The following AGBL4 variants were observed in gnomAD, a reference collection of about 807,000 sequenced individuals.
The protein encoded by AGBL4 is AGBL carboxypeptidase 4.
A neutral mutation model predicts 66.4 loss-of-function variants in AGBL4; 58 were observed. The observed-to-expected ratio is 0.87, with a 90% CI of 0.71 to 1.09. The LOEUF (loss-of-function observed/expected upper bound fraction) is 1.09. Among genes scored for constraint, AGBL4 ranks in the 50% least tolerant of loss-of-function variants. The pLI, the probability that AGBL4 is intolerant of heterozygous loss-of-function variation, is 0.00. For missense variants in AGBL4, 579 were observed against 631.0 expected, an observed-to-expected ratio of 0.92 and a Z score of 0.88; for synonymous variants, 234 against 222.9, an observed-to-expected ratio of 1.05 and a Z score of -0.44.
chr1:48,802,133 G>A (rs1327674996), intron 6 of AGBL4, among the ~76,000 whole-genome samples: 1 of 152,128 alleles, frequency 6.6e-6, no homozygotes, highest in East Asian at 1.9e-4. Flanking sequence ...TCGTCTCCCT[G>A]CTTCCTCTCT....
intron 3 of AGBL4, among the ~76,000 whole-genome samples, chr1:49,670,157 A>G (rs958660610): frequency 2.0e-5 from 3 of 152,150 alleles, no homozygotes; most frequent in Admixed American, 6.6e-5. Context: ...AGAAGCACCT[A>G]TTCTTTAAAA....
At chr1:49,488,618 C>T (rs1647119645) in intron 3 of AGBL4, among the ~76,000 whole-genome samples, 1 of 151,746 alleles carries the variant, frequency 6.6e-6, no homozygotes. Context: ...TCCTGTAGTG[C>T]TATCAAATAC....
intron 2 of AGBL4, among the ~76,000 whole-genome samples, chr1:49,842,638 G>C (rs757179445): frequency 2.0e-5 from 3 of 151,880 alleles, no homozygotes; most frequent in African/African-American, 7.3e-5. Flanking sequence ...ACAATAAATC[G>C]GTAAAATAAT....
intron 3 of AGBL4, among the ~76,000 whole-genome samples, chr1:49,470,235 A>G (rs967073838): frequency 1.7e-4 from 26 of 151,962 alleles, no homozygotes; most frequent in Non-Finnish European, 2.9e-5. Flanking sequence ...TTAAAACAAT[A>G]TCTATATCAA....
At chr1:48,625,586 T>C (rs550384690) in intron 9 of AGBL4, among the ~76,000 whole-genome samples, 2 of 152,270 alleles carry the variant, frequency 1.3e-5, no homozygotes, top group African/African-American at 4.8e-5. Flanking sequence ...GCATAGTATC[T>C]AATCCTAACA....
chr1:48,619,955 C>A (rs956055414), intron 9 of AGBL4, among the ~76,000 whole-genome samples: 9 of 152,156 alleles, frequency 5.9e-5, no homozygotes, highest in African/African-American at 1.7e-4. Context: ...CTAGAAGCAT[C>A]CTGGCTGTCG....
chr1:49,546,990 C>G (rs981181174), intron 3 of AGBL4, among the ~76,000 whole-genome samples: 1 of 152,184 alleles, frequency 6.6e-6, no homozygotes, highest in Admixed American at 6.5e-5. Flanking sequence ...TTTTGCTGTG[C>G]AAAAGCTCTT....
intron 1 of AGBL4, among the ~76,000 whole-genome samples, chr1:49,982,644 G>A (rs1039544057): frequency 6.6e-6 from 1 of 152,202 alleles, no homozygotes; most frequent in Non-Finnish European, 1.5e-5. Flanking sequence ...GTGGACCAGA[G>A]TGGGGACTTA....
chr1:48,615,643 C>T (rs933778753), intron 9 of AGBL4, among the ~76,000 whole-genome samples: 3 of 152,122 alleles, frequency 2.0e-5, no homozygotes, highest in African/African-American at 7.2e-5. Flanking sequence ...AGTAAGATTG[C>T]TTTTCCTATT....
rs576998154 is a variant in AGBL4, at chr1:49,100,130, A to C, written c.378-54330T>G. Among the ~76,000 whole-genome samples the C allele has an allele frequency of 5.3e-5, 8 of 152,284 alleles. No individual in the cohort carries two copies. The South Asian group carries it at 1.7e-3, about 32-fold the overall frequency. ...TGTTTAAGGAACACTCCTGGGTTCA[A>C]ACCTGCTGAAGGAGGAGAAAGAAGT... On this transcript the variant is annotated intron_variant, in intron 4 of 13. Coordinates refer to ENST00000371839, the MANE Select transcript of AGBL4 (RefSeq NM_032785.4).
intron 6 of AGBL4, among the ~76,000 whole-genome samples, chr1:48,808,089 G>A (rs1645968434): frequency 6.6e-6 from 1 of 152,148 alleles, no homozygotes; most frequent in Admixed American, 6.5e-5. Flanking sequence ...AAGTCAGTGA[G>A]TCATTAAATA....
intron 2 of AGBL4, among the ~76,000 whole-genome samples, chr1:49,792,418 T>C (rs998222724): frequency 9.9e-5 from 15 of 151,994 alleles, no homozygotes; most frequent in Non-Finnish European, 2.2e-4. Context: ...GATTATATTA[T>C]AAACCAGAGC....
chr1:48,889,989 CGTGTGTGTGTGTGTGT>C (rs10557498), intron 5 of AGBL4, among the ~76,000 whole-genome samples: 2 of 148,752 alleles, frequency 1.3e-5, no homozygotes, highest in East Asian at 4.0e-4. Context: ...AGCCTGCTTG[CGTGTGTGTGTGTGTGT>C]GTGTGTGTGT....
chr1:49,451,110 T>C (rs1260450269), intron 3 of AGBL4, among the ~76,000 whole-genome samples: 5 of 152,082 alleles, frequency 3.3e-5, no homozygotes, highest in African/African-American at 4.8e-5. Flanking sequence ...AGAATGGAAG[T>C]ACACATTTCC....
Position 49,931,294 on chromosome 1 carries a change from A to G in AGBL4, c.35-79776T>C, listed in dbSNP as rs1249149752. Among the ~76,000 whole-genome samples, 6 of 152,220 alleles carry G rather than the reference A, an allele frequency of 3.9e-5. No homozygotes were observed. In the East Asian group the frequency reaches 1.2e-3, roughly 29 times the overall value. On this transcript the variant is annotated intron_variant, in intron 1 of 13. Coordinates refer to ENST00000371839, the MANE Select transcript of AGBL4 (RefSeq NM_032785.4). ...TATACTATATTCATGAGTTGAAAGA[A>G]TATTGTTAAGATAGTGCATTAGTCC...
chr1:49,414,272 AT>A (rs1239322074), intron 3 of AGBL4, among the ~76,000 whole-genome samples: 1 of 152,152 alleles, frequency 6.6e-6, no homozygotes, highest in Non-Finnish European at 1.5e-5. Context: ...TCAATTACCA[AT>A]TTTATGGGTT....
chr1:48,963,779 A>T (rs565724499), intron 5 of AGBL4, among the ~76,000 whole-genome samples: 69 of 152,290 alleles, frequency 4.5e-4, no homozygotes, highest in African/African-American at 1.6e-3. Flanking sequence ...TAAGGTCAAA[A>T]GGAGCTTATT....
At chr1:49,033,797 A>G (rs74749654) in intron 5 of AGBL4, among the ~76,000 whole-genome samples, 1 of 148,834 alleles carries the variant, frequency 6.7e-6, no homozygotes, top group East Asian at 2.0e-4. Flanking sequence ...CTCTGGTTTC[A>G]TGATTCAGCT....
Position 49,339,506 on chromosome 1 carries a change from G to C in AGBL4, c.283-93642C>G, listed in dbSNP as rs372087721. Among the ~76,000 whole-genome samples, 281 of 152,250 alleles carry C rather than the reference G, an allele frequency of 1.8e-3. 2 individuals are homozygous for C. Among genetic ancestry groups the C allele is most frequent in the African/African-American group, 6.4e-3 (266 of 41,544 alleles). On this transcript the variant is annotated intron_variant, in intron 3 of 13. Transcript: ENST00000371839. ...CTGTGGCAGAAAATGTTGATCACAA[G>C]CACCCAGTTCTGAAATGCATTCATG...
Sources: allele counts gnomAD v4.1 joint callset (sites outside exome capture counted in the v4.1 genomes callset), GRCh38; gene constraint gnomAD v4.1.1; transcripts MANE v1.5; gene names NCBI Gene and HGNC (gene_info 2026-07-23, HGNC 2026-07-21).